The following PRKG1 variants were observed in gnomAD, a reference collection of about 807,000 sequenced individuals.
PRKG1 encodes the protein protein kinase cGMP-dependent 1, also known as cGMP-dependent protein kinase 1.
In PRKG1, 35 loss-of-function variants were observed where a neutral mutation model predicts 88.1. The observed-to-expected ratio is 0.40, with a 90% CI of 0.30 to 0.53. The LOEUF (loss-of-function observed/expected upper bound fraction) is 0.53. Ranked by LOEUF, PRKG1 falls within the 20% of genes least tolerant of loss-of-function variation. PRKG1 has a pLI of 0.59. For synonymous variants in PRKG1, 303 were observed against 292.5 expected, an observed-to-expected ratio of 1.04 and a Z score of -0.37; for missense variants, 540 against 839.8, an observed-to-expected ratio of 0.64 and a Z score of 4.41.
At chr10:51,633,999 A>C (rs182350147) in intron 3 of PRKG1, among the ~76,000 whole-genome samples, 21 of 152,276 alleles carry the variant, frequency 1.4e-4, no homozygotes, top group African/African-American at 5.1e-4. Flanking sequence ...GTCAGGATTT[A>C]ATAAAAAATG....
At chr10:52,015,920 A>T (rs61656475) in intron 5 of PRKG1, among the ~76,000 whole-genome samples, 14,443 of 152,214 alleles carry the variant, frequency 0.095, 929 homozygotes, top group East Asian at 0.32. Context: ...TAAGTTTCTC[A>T]TCTCCATCTG....
intron 3 of PRKG1, among the ~76,000 whole-genome samples, chr10:51,554,617 G>A (rs895076939): frequency 6.6e-6 from 1 of 151,138 alleles, no homozygotes; most frequent in East Asian, 2.0e-4. Flanking sequence ...AGTAGTAGCT[G>A]GTGCATTTTT....
At chr10:51,664,097 T>C (rs184148632) in intron 3 of PRKG1, among the ~76,000 whole-genome samples, 23 of 152,216 alleles carry the variant, frequency 1.5e-4, no homozygotes, top group Admixed American at 3.3e-4. Flanking sequence ...ACCCAGTGGG[T>C]TCATTTTGCT....
At chr10:51,404,819 T>G (rs974594634) in intron 2 of PRKG1, among the ~76,000 whole-genome samples, 7 of 152,222 alleles carry the variant, frequency 4.6e-5, no homozygotes, top group African/African-American at 1.7e-4. Flanking sequence ...TCTCCTGCCC[T>G]TTCATTCTCT....
intron 7 of PRKG1, among the ~76,000 whole-genome samples, chr10:52,130,883 C>T (rs548182469): frequency 1.1e-4 from 17 of 152,226 alleles, no homozygotes; most frequent in Admixed American, 6.5e-4. Flanking sequence ...ATAGAGCCTC[C>T]ACAGAGACAA....
chr10:51,756,568 C>A (rs1446765355), intron 3 of PRKG1, among the ~76,000 whole-genome samples: 13 of 151,116 alleles, frequency 8.6e-5, no homozygotes, highest in Non-Finnish European at 1.8e-4. Context: ...GTAATCCCAG[C>A]ACTTTGGGAG....
chr10:51,963,114 TA>T (rs149975256), intron 5 of PRKG1, among the ~76,000 whole-genome samples: 18,708 of 152,034 alleles, frequency 0.12, 1,314 homozygotes, highest in African/African-American at 0.18. Flanking sequence ...AGCAAAAAGG[TA>T]AAAAAAATTA....
intron 2 of PRKG1, among the ~76,000 whole-genome samples, chr10:51,278,710 G>A (rs569217849): frequency 2.3e-3 from 355 of 152,018 alleles, no homozygotes; most frequent in African/African-American, 7.7e-3. Flanking sequence ...GAATTTATCC[G>A]TTTCTTCTAG....
chr10:51,758,636 A>G (rs1431875634), intron 3 of PRKG1, among the ~76,000 whole-genome samples: 1 of 152,106 alleles, frequency 6.6e-6, no homozygotes, highest in East Asian at 1.9e-4. Context: ...TGGCTGTACC[A>G]TGCCTCATTA....
chr10:51,407,810 A>G (rs1287726611), intron 2 of PRKG1, among the ~76,000 whole-genome samples: 1 of 152,188 alleles, frequency 6.6e-6, no homozygotes, highest in African/African-American at 2.4e-5. Context: ...TATTCCATGC[A>G]TACTCTTCCT....
At position 51,119,105 on chromosome 10, in the gene PRKG1, A is replaced by T. The variant is rs577707344; in HGVS notation, c.312-34059A>T. Reference sequence around the variant, plus strand: ...AACGCAATAAATTTACTGTCTTAGTAGTTTGAAAATGTAGGCTTCCGAATG... The same window carrying T: ...AACGCAATAAATTTACTGTCTTAGTTGTTTGAAAATGTAGGCTTCCGAATG... On this transcript the variant is annotated intron_variant, in intron 1 of 17. Transcript: ENST00000373980. 2.0e-5 allele frequency among the ~76,000 whole-genome samples: 3 copies of T among 152,252 alleles called. No homozygotes were observed. In the South Asian group the frequency reaches 6.2e-4, roughly 32 times the overall value.
chr10:52,011,138 A>G (rs1844868883), intron 5 of PRKG1, among the ~76,000 whole-genome samples: 1 of 152,216 alleles, frequency 6.6e-6, no homozygotes, highest in Admixed American at 6.5e-5. Context: ...TTGTTGGTAG[A>G]TAGACCTGGT....
At chr10:51,672,535 A>G (rs1257375860) in intron 3 of PRKG1, among the ~76,000 whole-genome samples, 1 of 152,092 alleles carries the variant, frequency 6.6e-6, no homozygotes. Context: ...CATCATAAAC[A>G]TTGCTATTTT....
chr10:51,909,267 G>A (rs186007125), intron 5 of PRKG1: 4 of 152,328 alleles, frequency 2.6e-5, no homozygotes, highest in African/African-American at 9.6e-5. Context: ...GTGATCTTTG[G>A]CAGGTAGATG....
intron 3 of PRKG1, among the ~76,000 whole-genome samples, chr10:51,605,511 T>C (rs1052642322): frequency 2.6e-5 from 4 of 152,154 alleles, no homozygotes; most frequent in Admixed American, 6.5e-5. Flanking sequence ...CAAGAGTATA[T>C]ACACTGAATA....
At chr10:51,643,988 TATC>T (rs1839859863) in intron 3 of PRKG1, among the ~76,000 whole-genome samples, 2 of 151,544 alleles carry the variant, frequency 1.3e-5, no homozygotes, top group Admixed American at 6.6e-5. Flanking sequence ...CCAGATATAA[TATC>T]ATTTCATTGT....
intron 4 of PRKG1, among the ~76,000 whole-genome samples, chr10:51,816,536 CATGTGTGTGTGT>C (rs1393835615): frequency 3.0e-5 from 3 of 98,378 alleles, no homozygotes; most frequent in African/African-American, 9.0e-5. Context: ...ATAATTTTGG[CATGTGTGTGTGT>C]GTGTGTGTGT....
In PRKG1 at chr10:51,551,627, T is replaced by C. The variant is rs1425175554; in HGVS notation, c.592+83791T>C. Among the ~76,000 whole-genome samples the C allele has an allele frequency of 2.6e-5, 4 of 151,786 alleles. No homozygotes were observed. In the South Asian group the frequency reaches 8.3e-4, roughly 31 times the overall value. ...TGCTTTGAGATGGAAGGATTCAATT[T>C]AGAAATATCCTAGATATTTTGAGAG... On this transcript the variant is annotated intron_variant, in intron 3 of 17. Coordinates refer to ENST00000373980, the MANE Select transcript of PRKG1 (RefSeq NM_006258.4).
intron 2 of PRKG1, among the ~76,000 whole-genome samples, chr10:51,255,534 A>T (rs145654924): frequency 2.0e-5 from 3 of 152,020 alleles, no homozygotes; most frequent in Admixed American, 1.3e-4. Context: ...AGTTTCCCTG[A>T]TGTTCTTGGG....
Sources: allele counts gnomAD v4.1 joint callset (sites outside exome capture counted in the v4.1 genomes callset), GRCh38; gene constraint gnomAD v4.1.1; transcripts MANE v1.5; gene names NCBI Gene and HGNC (gene_info 2026-07-23, HGNC 2026-07-21).